HS3ST1: variants seen among roughly 807,000 people sequenced by gnomAD.
HS3ST1 encodes the protein heparan sulfate-glucosamine 3-sulfotransferase 1.
Under a neutral mutation model 20.7 loss-of-function variants are expected in HS3ST1, and 8 were observed. That is an observed-to-expected ratio of 0.39 (90% CI 0.23 to 0.70). The LOEUF is 0.70. Ranked by LOEUF, HS3ST1 falls within the 30% of genes least tolerant of loss-of-function variation. The probability of loss-of-function intolerance (pLI) is 0.46; values close to 1 mark genes in which losing one functional copy is unlikely to be tolerated. For missense variants in HS3ST1, 436 were observed against 423.4 expected (o/e 1.03, Z -0.26); for synonymous variants, 205 against 190.4 (o/e 1.08, Z -0.63).
At chr4:11,423,252 A>C (rs1026925907) in intron 1 of HS3ST1, among the ~76,000 whole-genome samples, 1 of 152,100 alleles carries the variant, frequency 6.6e-6, no homozygotes, top group South Asian at 2.1e-4. Context: ...GGTACATGGC[A>C]GACAATAAAC....
intron 1 of HS3ST1, among the ~76,000 whole-genome samples, chr4:11,401,031 C>T (rs1043263844): frequency 6.6e-5 from 10 of 152,044 alleles, no homozygotes; most frequent in South Asian, 2.1e-4. Context: ...TGTATTGCAG[C>T]GGGAAATTGG....
At chr4:11,412,327 G>A (rs781447575) in intron 1 of HS3ST1, among the ~76,000 whole-genome samples, 1 of 152,162 alleles carries the variant, frequency 6.6e-6, no homozygotes, top group South Asian at 2.1e-4. Flanking sequence ...TAAATTCTAA[G>A]ATAGTATAAG....
rs182504142 is a variant in HS3ST1, at chr4:11,420,994, G to A, written c.-109+7705C>T. ...TTAAATTGAAATTTTAGAGAAACAT[G>A]ACACATTTCTTACTTTTTAGTATCT... On this transcript the variant is annotated intron_variant, in intron 1 of 1. Transcript: ENST00000002596. Among the ~76,000 whole-genome samples, 271 of 152,260 alleles carry A rather than the reference G, an allele frequency of 1.8e-3. 2 individuals carry two copies. Among genetic ancestry groups the A allele is most frequent in the Middle Eastern group, 6.8e-3 (2 of 294 alleles).
upstream of HS3ST1, among the ~76,000 whole-genome samples, chr4:11,430,657 T>G (rs1274432949): frequency 6.6e-6 from 1 of 152,162 alleles, no homozygotes; most frequent in Non-Finnish European, 1.5e-5. Flanking sequence ...TTAGCAATGA[T>G]TCTGTTTGCA....
chr4:11,414,327 A>G (rs984510799), intron 1 of HS3ST1, among the ~76,000 whole-genome samples: 1 of 152,086 alleles, frequency 6.6e-6, no homozygotes, highest in African/African-American at 2.4e-5. Context: ...GTATATATAC[A>G]TATACACGCG....
chr4:11,400,975 G>A (rs1331032922), intron 1 of HS3ST1, among the ~76,000 whole-genome samples: 1 of 152,226 alleles, frequency 6.6e-6, no homozygotes, highest in African/African-American at 2.4e-5. Flanking sequence ...GCTCATGAGT[G>A]AAGATGCATG....
At chr4:11,401,947 A>G (rs1392180613) in intron 1 of HS3ST1, among the ~76,000 whole-genome samples, 1 of 152,220 alleles carries the variant, frequency 6.6e-6, no homozygotes, top group African/African-American at 2.4e-5. Context: ...AGAGGAGATT[A>G]GTTGCTTTCA....
chr4:11,408,261 A>T (rs961822727), intron 1 of HS3ST1, among the ~76,000 whole-genome samples: 1 of 152,200 alleles, frequency 6.6e-6, no homozygotes, highest in African/African-American at 2.4e-5. Context: ...TAAATAAAAA[A>T]GTACATGTGG....
In HS3ST1 at chr4:11,411,333, G is replaced by A. The variant is rs112835076; in HGVS notation, c.-108-11220C>T. On this transcript the variant is annotated intron_variant, in intron 1 of 1. Coordinates refer to ENST00000002596, the MANE Select transcript of HS3ST1 (RefSeq NM_005114.4). ...TATGATAGCACTAAATAAAGCAATA[G>A]TACATGGTTCTTTCCTCTGGCCCAC... 5.9e-5 allele frequency among the ~76,000 whole-genome samples: 9 copies of A among 152,270 alleles called. 1 individual carries two copies. Among genetic ancestry groups the A allele is most frequent in the African/African-American group, 2.2e-4 (9 of 41,552 alleles).
intron 1 of HS3ST1, among the ~76,000 whole-genome samples, chr4:11,418,079 T>C (rs1718833690): frequency 1.3e-5 from 2 of 152,188 alleles, no homozygotes; most frequent in African/African-American, 4.8e-5. Flanking sequence ...TTTTCCTCTG[T>C]GATTAAAAGA....
chr4:11,430,947 G>A (rs571831295), upstream of HS3ST1, among the ~76,000 whole-genome samples: 3 of 152,238 alleles, frequency 2.0e-5, no homozygotes, highest in African/African-American at 7.2e-5. Context: ...TTCTTACTTA[G>A]TTTTATGTGT....
intron 1 of HS3ST1, among the ~76,000 whole-genome samples, chr4:11,409,656 T>C (rs1360552921): frequency 2.0e-5 from 3 of 152,244 alleles, no homozygotes; most frequent in Non-Finnish European, 4.4e-5. Flanking sequence ...ATCTATTGTT[T>C]AAACCATCCA....
At chr4:11,406,852 CTG>C (rs1718478871) in intron 1 of HS3ST1, among the ~76,000 whole-genome samples, 1 of 151,866 alleles carries the variant, frequency 6.6e-6, no homozygotes, top group Admixed American at 6.6e-5. Flanking sequence ...AACAACAAAA[CTG>C]TCTTTTTTTT....
intron 1 of HS3ST1, among the ~76,000 whole-genome samples, chr4:11,403,491 A>G (rs1358147368): frequency 6.6e-6 from 1 of 152,226 alleles, no homozygotes; most frequent in Non-Finnish European, 1.5e-5. Context: ...ACACCCCAAG[A>G]TGACTTGCCC....
chr4:11,429,736 G>A (rs1443163277), upstream of HS3ST1: 1 of 124,570 alleles, frequency 8.0e-6, no homozygotes, highest in East Asian at 2.7e-4. Flanking sequence ...TTTCTGCCCC[G>A]CTCCTCTATT....
chr4:11,410,883 C>A (rs898338625), intron 1 of HS3ST1, among the ~76,000 whole-genome samples: 1 of 141,990 alleles, frequency 7.0e-6, no homozygotes, highest in Admixed American at 7.5e-5. Context: ...CAGAGCGAGA[C>A]TCCATCTCAA....
chr4:11,405,290 A>G (rs1256135108), intron 1 of HS3ST1, among the ~76,000 whole-genome samples: 1 of 152,170 alleles, frequency 6.6e-6, no homozygotes, highest in Non-Finnish European at 1.5e-5. Context: ...CCTGAGTTTC[A>G]TGAATTGAAA....
chr4:11,416,269 T>G (rs224491), intron 1 of HS3ST1, among the ~76,000 whole-genome samples: 146,628 of 152,260 alleles, frequency 0.96, 70,845 homozygotes, highest in East Asian at 1. Context: ...CATGACCAAA[T>G]GCCCCTCCTT....
chr4:11,429,743 T>C (rs775196818), upstream of HS3ST1: 4 of 140,930 alleles, frequency 2.8e-5, no homozygotes, highest in Non-Finnish European at 4.5e-5. Flanking sequence ...CCCGCTCCTC[T>C]ATTCCGGAAG....
Sources: allele counts gnomAD v4.1 joint callset (sites outside exome capture counted in the v4.1 genomes callset), GRCh38; gene constraint gnomAD v4.1.1; transcripts MANE v1.5; gene names NCBI Gene and HGNC (gene_info 2026-07-23, HGNC 2026-07-21).